Variants in SLCO1B1 observed in about 807,000 individuals in gnomAD.
The protein encoded by SLCO1B1 is OATP-2.
Under a neutral mutation model 70.1 loss-of-function variants are expected in SLCO1B1, and 81 were observed. The ratio of observed to expected loss-of-function variants is 1.16; its 90% CI spans 0.97 to 1.39. The LOEUF (loss-of-function observed/expected upper bound fraction) is 1.39, where lower values mean the gene tolerates loss of function less well. SLCO1B1 is among the 40% of genes most tolerant of loss of function. The probability of loss-of-function intolerance (pLI) is 0.00; values close to 1 mark genes in which losing one functional copy is unlikely to be tolerated. For synonymous variants in SLCO1B1, 283 were observed against 271.5 expected (o/e 1.04, Z -0.42); for missense variants, 895 against 799.6 (o/e 1.12, Z -1.44).
chr12:21,213,916 C>T (rs1941321615), intron 11 of SLCO1B1, among the ~76,000 whole-genome samples: 1 of 149,594 alleles, frequency 6.7e-6, no homozygotes, highest in South Asian at 2.1e-4. Flanking sequence ...TCAGCTCCAT[C>T]AGCTCCTTTA....
intron 2 of SLCO1B1, among the ~76,000 whole-genome samples, chr12:21,166,024 A>G (rs548880602): frequency 2.0e-5 from 3 of 152,236 alleles, no homozygotes; most frequent in Admixed American, 6.5e-5. Flanking sequence ...AAAAACGAAG[A>G]AAAATTAACA....
intron 2 of SLCO1B1, among the ~76,000 whole-genome samples, chr12:21,163,939 A>C (rs1940654705): frequency 8.5e-6 from 1 of 117,298 alleles, no homozygotes; most frequent in South Asian, 4.9e-4. Context: ...GAAACAAATC[A>C]CTGAAAAAAA....
Position 21,239,089 on chromosome 12 carries a change from C to G in SLCO1B1, c.1976C>G (p.Ser659Ter), listed in dbSNP as rs745619193. 1.7e-5 allele frequency: 28 copies of G among 1,606,072 alleles called. No homozygotes were observed. Among genetic ancestry groups the G allele is most frequent in the Non-Finnish European group, 2.1e-5 (25 of 1,173,460 alleles). ...TATCAAGAGAAAGATATCAATGCATCAGAAAATGGAAGTGTCATGGATGAA... is the reference window on the plus strand; with the variant it reads ...TATCAAGAGAAAGATATCAATGCATGAGAAAATGGAAGTGTCATGGATGAA... ...KKYQEKDINA[S>*]ENGSVMDEAN... The change falls in exon 15 of 15, where the codon TCA (serine) becomes TGA (stop). Residue 659 changes from serine (S) to a stop codon, truncating the protein, a stop_gained. Transcript: ENST00000256958. LOFTEE classifies it low-confidence loss of function (END_TRUNC).
chr12:21,174,700 T>C lies in SLCO1B1; in HGVS notation c.350T>C (p.Phe117Ser). 2 of 1,606,532 alleles carry C rather than the reference T, an allele frequency of 1.2e-6. No homozygotes were observed. Among genetic ancestry groups the C allele is most frequent in the Non-Finnish European group, 1.7e-6 (2 of 1,177,578 alleles). Reference sequence around the variant, plus strand: ...GTTTTGACTGCTTTGCCACATTTCTTCATGGGATAGTAAGTGTTAAAAAAA... The same window carrying C: ...GTTTTGACTGCTTTGCCACATTTCTCCATGGGATAGTAAGTGTTAAAAAAA... ...GGVLTALPHF[F>S]MGYYRYSKET... Residue 117 changes from phenylalanine (F) to serine (S), a missense_variant, in exon 4 of 15, where the codon TTC (phenylalanine) becomes TCC (serine). Phe to Ser is a radical substitution (Grantham distance 155). Transcript: ENST00000256958.
chr12:21,156,639 G>A (rs1591802240), intron 2 of SLCO1B1, among the ~76,000 whole-genome samples: 1 of 151,984 alleles, frequency 6.6e-6, no homozygotes, highest in East Asian at 1.9e-4. Context: ...ATTATATAAA[G>A]ATAAAGCAAA....
intron 14 of SLCO1B1, 125 bp downstream of exon 14, chr12:21,224,964 T>G (rs1254912488): frequency 1.9e-5 from 11 of 580,472 alleles, no homozygotes; most frequent in Non-Finnish European, 3.0e-5. Flanking sequence ...TGACTTTGCA[T>G]GCAGTATGGT....
At chr12:21,136,829 C>G (rs542842542) in intron 1 of SLCO1B1, among the ~76,000 whole-genome samples, 1 of 152,336 alleles carries the variant, frequency 6.6e-6, no homozygotes, top group African/African-American at 2.4e-5. Context: ...CTTCTCTCAA[C>G]TTGTCAAAGT....
intron 2 of SLCO1B1, among the ~76,000 whole-genome samples, chr12:21,145,205 T>C (rs1255482403): frequency 3.3e-5 from 5 of 152,160 alleles, no homozygotes; most frequent in Admixed American, 1.3e-4. Context: ...AATGAATAAA[T>C]TGAAATAATA....
Position 21,239,213 on chromosome 12 carries a change from CT to C in SLCO1B1, c.*26del. On this transcript the variant is annotated 3_prime_UTR_variant, in exon 15 of 15. Transcript: ENST00000256958. ...AAGGGGAGAAAAAAAGCCACTTCTG[CT>C]TCTGTGTTTCCAAACAGCATTGCAT... 6.6e-7 allele frequency: 1 copy of C among 1,511,216 alleles called. No individual in the cohort carries two copies. Among genetic ancestry groups the C allele is most frequent in the Non-Finnish European group, 9.2e-7 (1 of 1,086,742 alleles). 93.6% of individuals were successfully genotyped at this position (1,511,216 alleles called of 1,614,324 possible). A position where few individuals can be genotyped will look rare whatever the true frequency, so the allele number is the denominator to read the frequency against.
At chr12:21,187,839 T>C (rs909875289) in intron 7 of SLCO1B1, among the ~76,000 whole-genome samples, 2 of 152,238 alleles carry the variant, frequency 1.3e-5, no homozygotes, top group African/African-American at 4.8e-5. Context: ...TTTCAAGATA[T>C]CGGTATTGGA....
rs778463643 is a variant in SLCO1B1 at position 21,224,807 on chromosome 12, G to T, written c.1833G>T (p.Gly611=). The change falls in exon 14 of 15, where the codon GGG becomes GGT. Residue 611 remains glycine (G), a synonymous_variant. Transcript: ENST00000256958. ...KWSTNNCGTR[G]SCRTYNSTSF... ...CCACCAACAACTGTGGCACACGTGG[G>T]TCATGTAGGACATATAATTCCACAT... 1.0e-5 allele frequency: 16 copies of T among 1,606,930 alleles called. 1 individual carries two copies. The highest frequency in any genetic ancestry group is 8.9e-5 in the East Asian group (4 of 44,710).
intron 1 of SLCO1B1, among the ~76,000 whole-genome samples, chr12:21,139,797 A>G (rs1226450629): frequency 6.6e-6 from 1 of 152,168 alleles, no homozygotes; most frequent in African/African-American, 2.4e-5. Flanking sequence ...CTGCTCACAT[A>G]TGATAAAGAA....
chr12:21,141,202 GATA>G lies in SLCO1B1; in HGVS notation c.-61-306_-61-304del, dbSNP rs906525638. On this transcript the variant is annotated intron_variant, in intron 1 of 14. Coordinates refer to ENST00000256958, the MANE Select transcript of SLCO1B1 (RefSeq NM_006446.5). ...TTTTACAATATAGGTGTGTAGAAAA[GATA>G]ATAATTTAAATTTCTATAATTTAAA... 3.6e-4 allele frequency among the ~76,000 whole-genome samples: 54 copies of G among 152,056 alleles called. 1 individual carries two copies. The highest frequency in any genetic ancestry group is 1.3e-3 in the African/African-American group (53 of 41,556).
intron 6 of SLCO1B1, 81 bp from the exon 7 acceptor site, chr12:21,178,841 T>C: frequency 7.4e-7 from 1 of 1,353,294 alleles, no homozygotes; most frequent in South Asian, 1.2e-5. Context: ...ATATGTATTG[T>C]ATCATATTTC....
intron 7 of SLCO1B1, among the ~76,000 whole-genome samples, chr12:21,189,904 T>C (rs930250481): frequency 1.4e-4 from 22 of 152,232 alleles, no homozygotes; most frequent in Admixed American, 1.0e-3. Flanking sequence ...ATTTCAAAAA[T>C]ACAACATATT....
chr12:21,207,328 C>A (rs1370497184), intron 11 of SLCO1B1, among the ~76,000 whole-genome samples: 5 of 151,774 alleles, frequency 3.3e-5, no homozygotes, highest in Non-Finnish European at 7.4e-5. Context: ...ATGTATTTTT[C>A]CTGTCCTTAT....
intron 11 of SLCO1B1, among the ~76,000 whole-genome samples, chr12:21,215,607 A>G (rs1941348493): frequency 6.6e-6 from 1 of 152,042 alleles, no homozygotes; most frequent in Non-Finnish European, 1.5e-5. Flanking sequence ...TTTTGCACCT[A>G]TATGCATCTA....
intron 4 of SLCO1B1, among the ~76,000 whole-genome samples, chr12:21,176,471 C>A (rs1400649125): frequency 6.6e-6 from 1 of 151,952 alleles, no homozygotes; most frequent in Non-Finnish European, 1.5e-5. Flanking sequence ...TTAATAATTA[C>A]TTTTTAAAAA....
At chr12:21,196,836 C>T (rs1941097498) in intron 7 of SLCO1B1, 110 bp from the exon 8 acceptor site, 9 of 1,122,336 alleles carry the variant, frequency 8.0e-6, no homozygotes, top group Admixed American at 2.1e-5. Flanking sequence ...AGAAAAAAAT[C>T]GTGTCTTGGA....
Sources: allele counts gnomAD v4.1 joint callset (sites outside exome capture counted in the v4.1 genomes callset), GRCh38; gene constraint gnomAD v4.1.1; transcripts MANE v1.5; gene names NCBI Gene and HGNC (gene_info 2026-07-23, HGNC 2026-07-21).